ARID5B: variants seen among roughly 807,000 people sequenced by gnomAD.
The protein encoded by ARID5B is AT-rich interaction domain 5B.
In ARID5B, 13 loss-of-function variants were observed where a neutral mutation model predicts 97.2. The ratio of observed to expected loss-of-function variants is 0.13; its 90% CI spans 0.09 to 0.21. ARID5B has a LOEUF of 0.21. Among genes scored for constraint, ARID5B ranks in the 10% least tolerant of loss-of-function variants. ARID5B has a pLI of 1.00. For missense variants in ARID5B, 1,210 were observed against 1,465.3 expected, an observed-to-expected ratio of 0.83 and a Z score of 2.84; for synonymous variants, 556 against 570.3, an observed-to-expected ratio of 0.97 and a Z score of 0.36.
At chr10:61,975,478 C>CTTCTAACT (rs1838686005) in intron 3 of ARID5B, among the ~76,000 whole-genome samples, 1 of 152,020 alleles carries the variant, frequency 6.6e-6, no homozygotes, top group Non-Finnish European at 1.5e-5. Flanking sequence ...GTTAGAAAGC[C>CTTCTAACT]TGAGGCCAGA....
chr10:61,979,293 C>T (rs1360202115), intron 3 of ARID5B, among the ~76,000 whole-genome samples: 6 of 152,194 alleles, frequency 3.9e-5, no homozygotes, highest in African/African-American at 1.4e-4. Context: ...TATTTAAATA[C>T]TTGTGGCAAA....
At chr10:61,915,926 T>G (rs1471226779) in intron 2 of ARID5B, among the ~76,000 whole-genome samples, 1 of 152,192 alleles carries the variant, frequency 6.6e-6, no homozygotes, top group African/African-American at 2.4e-5. Context: ...TGGCTAATTT[T>G]TGTATTTCTA....
chr10:62,022,490 C>G lies in ARID5B; in HGVS notation c.733+22169C>G, dbSNP rs577497474. 3.9e-5 allele frequency among the ~76,000 whole-genome samples: 6 copies of G among 152,316 alleles called. No homozygotes were observed. In the South Asian group the frequency reaches 8.3e-4, roughly 21 times the overall value. ...GCCCTCTCCTGTTCCTGGGTGGTAA[C>G]CTGGGATTCAGTCGGTGAGGTAGAG... On this transcript the variant is annotated intron_variant, in intron 4 of 9. Coordinates refer to ENST00000279873, the MANE Select transcript of ARID5B (RefSeq NM_032199.3).
intron 9 of ARID5B, among the ~76,000 whole-genome samples, chr10:62,089,082 G>A (rs1020452706): frequency 3.9e-5 from 6 of 152,074 alleles, no homozygotes; most frequent in African/African-American, 1.2e-4. Flanking sequence ...ATTGCCCTGC[G>A]TCAAACTATA....
intron 4 of ARID5B, among the ~76,000 whole-genome samples, chr10:62,028,003 G>A (rs917510750): frequency 6.6e-6 from 1 of 152,188 alleles, no homozygotes; most frequent in African/African-American, 2.4e-5. Flanking sequence ...TGTCCCTGGT[G>A]TGCATCTGCT....
At chr10:62,032,349 A>G (rs536139724) in intron 4 of ARID5B, among the ~76,000 whole-genome samples, 1 of 152,276 alleles carries the variant, frequency 6.6e-6, no homozygotes, top group South Asian at 2.1e-4. Flanking sequence ...AACATGAACT[A>G]TTTAATGTCA....
intron 2 of ARID5B, among the ~76,000 whole-genome samples, chr10:61,926,300 T>C (rs2132776924): frequency 6.6e-6 from 1 of 152,334 alleles, no homozygotes; most frequent in South Asian, 2.1e-4. Flanking sequence ...AAGGTGCATT[T>C]GTCCCAGGGA....
chr10:62,085,950 C>G (rs150911825), intron 9 of ARID5B, 50 bp downstream of exon 9: 13 of 1,564,486 alleles, frequency 8.3e-6, no homozygotes, highest in South Asian at 3.6e-5. Context: ...TGTGCTGCCT[C>G]GAGGTCCTTC....
At chr10:61,943,961 A>G (rs1490211175) in intron 3 of ARID5B, among the ~76,000 whole-genome samples, 1 of 152,140 alleles carries the variant, frequency 6.6e-6, no homozygotes, top group Non-Finnish European at 1.5e-5. Flanking sequence ...TAGAGTTTTC[A>G]TTTAAGACTC....
intron 3 of ARID5B, among the ~76,000 whole-genome samples, chr10:61,965,620 AT>A (rs1340236479): frequency 2.6e-5 from 4 of 152,092 alleles, no homozygotes; most frequent in Non-Finnish European, 4.4e-5. Flanking sequence ...CAGAAAAAAA[AT>A]TTTTTTCTAT....
chr10:62,006,121 T>C (rs1010324482), intron 4 of ARID5B, among the ~76,000 whole-genome samples: 1 of 152,226 alleles, frequency 6.6e-6, no homozygotes, highest in African/African-American at 2.4e-5. Context: ...TTGGAAATTT[T>C]CTAGAGGTTT....
intron 3 of ARID5B, among the ~76,000 whole-genome samples, chr10:61,977,629 T>C (rs1423510564): frequency 1.3e-5 from 2 of 152,274 alleles, no homozygotes; most frequent in Admixed American, 6.5e-5. Context: ...CATTTTTTCA[T>C]GTGTCTGTTG....
At chr10:61,986,818 C>T (rs558185935) in intron 3 of ARID5B, among the ~76,000 whole-genome samples, 34 of 152,122 alleles carry the variant, frequency 2.2e-4, no homozygotes, top group Non-Finnish European at 4.1e-4. Flanking sequence ...CAAGTACCTA[C>T]GGGGCGTTCA....
chr10:62,045,200 C>T (rs4304719), intron 4 of ARID5B, among the ~76,000 whole-genome samples: 148,262 of 152,314 alleles, frequency 0.97, 72,281 homozygotes, highest in East Asian at 1. Context: ...GCCTTTCTTT[C>T]ATTACACCCA....
Position 62,095,602 on chromosome 10 carries a change from G to A in ARID5B, c.*2572G>A, listed in dbSNP as rs1041640135. On this transcript the variant is annotated 3_prime_UTR_variant, in exon 10 of 10. Coordinates refer to ENST00000279873, the MANE Select transcript of ARID5B (RefSeq NM_032199.3). ...GCTCATACCCTCGGCAAAACATCAGGACAAATAAAGAGAAATGGGGGTACG... is the reference window on the plus strand; with the variant it reads ...GCTCATACCCTCGGCAAAACATCAGAACAAATAAAGAGAAATGGGGGTACG... 1.3e-5 allele frequency: 3 copies of A among 233,378 alleles called. No homozygotes were observed. Among genetic ancestry groups the A allele is most frequent in the African/African-American group, 4.4e-5 (2 of 45,322 alleles). 14.5% of individuals were successfully genotyped at this position (233,378 alleles called of 1,614,324 possible).
chr10:61,988,583 GCA>G (rs1169521031), intron 3 of ARID5B, among the ~76,000 whole-genome samples: 1 of 152,146 alleles, frequency 6.6e-6, no homozygotes, highest in Non-Finnish European at 1.5e-5. Context: ...GAAATAACAG[GCA>G]CTGTGAGGCT....
chr10:61,938,896 A>G (rs906506396), intron 2 of ARID5B, among the ~76,000 whole-genome samples: 6 of 139,430 alleles, frequency 4.3e-5, no homozygotes, highest in Admixed American at 1.4e-4. Flanking sequence ...AAAAAAAAAA[A>G]CCCTCAACCC....
At chr10:61,917,211 T>C (rs1176005481) in intron 2 of ARID5B, among the ~76,000 whole-genome samples, 3 of 152,098 alleles carry the variant, frequency 2.0e-5, no homozygotes, top group Middle Eastern at 3.2e-3. Flanking sequence ...CTCTTCAGTT[T>C]CTACCTAGCA....
chr10:62,069,185 A>C (rs1840030186), intron 7 of ARID5B, among the ~76,000 whole-genome samples: 1 of 152,222 alleles, frequency 6.6e-6, no homozygotes, highest in African/African-American at 2.4e-5. Context: ...AATTTTATTT[A>C]TTTTTTAAAT....
Sources: gnomAD v4.1 joint callset for allele counts (sites outside exome capture counted in the v4.1 genomes callset) on GRCh38, gnomAD v4.1.1 for gene constraint, MANE v1.5 for transcripts, NCBI Gene and HGNC (gene_info 2026-07-23, HGNC 2026-07-21) for gene names.